The following NUBPL variants were observed in gnomAD, a reference collection of about 807,000 sequenced individuals.
The protein encoded by NUBPL is iron-sulfur cluster transfer protein NUBPL.
A neutral mutation model predicts 45.7 loss-of-function variants in NUBPL; 31 were observed. The observed-to-expected ratio is 0.68, with a 90% confidence interval of 0.51 to 0.92. The LOEUF (loss-of-function observed/expected upper bound fraction) is 0.92, where lower values mean the gene tolerates loss of function less well. Among genes scored for constraint, NUBPL ranks in the 40% least tolerant of loss-of-function variants. The pLI is 0.00. For missense variants in NUBPL, 401 were observed against 398.7 expected (o/e 1.01, Z -0.05); for synonymous variants, 144 against 140.9 (o/e 1.02, Z -0.15).
chr14:31,784,581 T>A (rs1017235788), intron 6 of NUBPL, among the ~76,000 whole-genome samples: 1 of 152,170 alleles, frequency 6.6e-6, no homozygotes, highest in Non-Finnish European at 1.5e-5. Flanking sequence ...TCACATTTCT[T>A]TAAGGGCTCA....
intron 7 of NUBPL, among the ~76,000 whole-genome samples, chr14:31,804,889 C>A (rs919912798): frequency 2.0e-5 from 3 of 152,052 alleles, no homozygotes; most frequent in African/African-American, 7.2e-5. Context: ...GATTTCATGA[C>A]AAAGATGCTA....
intron 8 of NUBPL, among the ~76,000 whole-genome samples, chr14:31,840,503 G>A (rs375105523): frequency 4.6e-5 from 7 of 151,900 alleles, no homozygotes; most frequent in African/African-American, 1.7e-4. Flanking sequence ...GAACCCAGAA[G>A]GCGGAGCTTG....
At chr14:31,829,006 AG>A (rs1385383085) in intron 8 of NUBPL, among the ~76,000 whole-genome samples, 1 of 152,206 alleles carries the variant, frequency 6.6e-6, no homozygotes, top group African/African-American at 2.4e-5. Flanking sequence ...GGACTGCATA[AG>A]GCTCATAGGA....
At chr14:31,792,037 A>G (rs1010479610) in intron 7 of NUBPL, among the ~76,000 whole-genome samples, 1 of 152,200 alleles carries the variant, frequency 6.6e-6, no homozygotes, top group Non-Finnish European at 1.5e-5. Flanking sequence ...GGCTTTCATA[A>G]GATAACACAA....
chr14:31,806,107 A>G (rs1483768707), intron 7 of NUBPL, among the ~76,000 whole-genome samples: 1 of 152,220 alleles, frequency 6.6e-6, no homozygotes, highest in Non-Finnish European at 1.5e-5. Context: ...GCACTTGGTC[A>G]TAGATGTTAG....
intron 6 of NUBPL, among the ~76,000 whole-genome samples, chr14:31,761,744 C>T: frequency 6.6e-6 from 1 of 152,132 alleles, no homozygotes; most frequent in South Asian, 2.1e-4. Flanking sequence ...TTTACTTAAT[C>T]ATTATCTTAT....
Position 31,810,507 on chromosome 14 carries a change from A to G in NUBPL, c.608-16122A>G, listed in dbSNP as rs567280390. ...CCATCCCTTTATTTTGAGCCTATGTATGTCTCTGCATGTGAGATGGGTCTC... is the reference window on the plus strand; with the variant it reads ...CCATCCCTTTATTTTGAGCCTATGTGTGTCTCTGCATGTGAGATGGGTCTC... On this transcript the variant is annotated intron_variant, in intron 7 of 10. Transcript: ENST00000281081. Among the ~76,000 whole-genome samples, 234 of 152,042 alleles carry G rather than the reference A, an allele frequency of 1.5e-3. 1 individual carries two copies. The highest frequency in any genetic ancestry group is 4.8e-3 in the African/African-American group (198 of 41,498).
chr14:31,651,914 G>C (rs1258199820), intron 4 of NUBPL, among the ~76,000 whole-genome samples: 1 of 145,084 alleles, frequency 6.9e-6, no homozygotes. Flanking sequence ...AAAAAAAAAA[G>C]AAAAAAAGAA....
At chr14:31,582,235 A>G (rs74040876) in intron 3 of NUBPL, among the ~76,000 whole-genome samples, 5,902 of 152,020 alleles carry the variant, frequency 0.039, 276 homozygotes, top group African/African-American at 0.11. Flanking sequence ...AATTATGTAA[A>G]AATTAATTTA....
intron 6 of NUBPL, among the ~76,000 whole-genome samples, chr14:31,712,552 G>A (rs977558397): frequency 1.1e-4 from 17 of 152,212 alleles, no homozygotes; most frequent in African/African-American, 3.1e-4. Flanking sequence ...AGCCAGCTCC[G>A]GCCTCGGCCA....
chr14:31,707,148 G>A (rs2037471521), intron 6 of NUBPL, among the ~76,000 whole-genome samples: 1 of 152,152 alleles, frequency 6.6e-6, no homozygotes, highest in Admixed American at 6.6e-5. Flanking sequence ...TCGGACCTTT[G>A]TATGGTAATT....
At chr14:31,831,674 C>T (rs1449917667) in intron 8 of NUBPL, among the ~76,000 whole-genome samples, 1 of 152,106 alleles carries the variant, frequency 6.6e-6, no homozygotes, top group African/African-American at 2.4e-5. Flanking sequence ...TTGAAAGAAT[C>T]AGGAATACAC....
intron 7 of NUBPL, among the ~76,000 whole-genome samples, chr14:31,814,918 C>G (rs1336217713): frequency 6.6e-6 from 1 of 152,140 alleles, no homozygotes; most frequent in Non-Finnish European, 1.5e-5. Flanking sequence ...GTACCAGTAT[C>G]ATGCTGTTTT....
At chr14:31,573,370 G>A (rs925481264) in intron 3 of NUBPL, among the ~76,000 whole-genome samples, 1 of 151,984 alleles carries the variant, frequency 6.6e-6, no homozygotes, top group Non-Finnish European at 1.5e-5. Context: ...TACTAGTCAC[G>A]TGCCTTTACT....
intron 6 of NUBPL, among the ~76,000 whole-genome samples, chr14:31,781,740 C>T (rs1021145782): frequency 6.6e-6 from 1 of 151,982 alleles, no homozygotes; most frequent in Non-Finnish European, 1.5e-5. Context: ...TTATTCACAC[C>T]CCAAGTTTCT....
intron 8 of NUBPL, among the ~76,000 whole-genome samples, chr14:31,839,325 T>C (rs1595698339): frequency 6.6e-6 from 1 of 152,176 alleles, no homozygotes; most frequent in African/African-American, 2.4e-5. Flanking sequence ...TTACAGTCAA[T>C]TGATTTTTGA....
intron 6 of NUBPL, among the ~76,000 whole-genome samples, chr14:31,730,041 A>G (rs1487302988): frequency 6.6e-6 from 1 of 152,174 alleles, no homozygotes; most frequent in African/African-American, 2.4e-5. Context: ...CAGTTTACAG[A>G]GATTTAATGA....
chr14:31,623,999 C>T (rs2035139803), intron 4 of NUBPL, among the ~76,000 whole-genome samples: 1 of 152,200 alleles, frequency 6.6e-6, no homozygotes, highest in South Asian at 2.1e-4. Flanking sequence ...CTCAGTTTTG[C>T]ATTCTGGGAG....
At chr14:31,608,948 A>G (rs1017664481) in intron 4 of NUBPL, among the ~76,000 whole-genome samples, 3 of 152,212 alleles carry the variant, frequency 2.0e-5, no homozygotes, top group African/African-American at 7.2e-5. Flanking sequence ...ACAAATAAAA[A>G]GCAAGAAAGT....
Sources: allele counts gnomAD v4.1 joint callset (sites outside exome capture counted in the v4.1 genomes callset), GRCh38; gene constraint gnomAD v4.1.1; transcripts MANE v1.5; gene names NCBI Gene and HGNC (gene_info 2026-07-23, HGNC 2026-07-21).